Variants in POLH observed in about 807,000 individuals in gnomAD.
POLH encodes DNA polymerase eta transcript.
Under a neutral mutation model 73.6 loss-of-function variants are expected in POLH, and 53 were observed. The ratio of observed to expected loss-of-function variants is 0.72; its 90% CI spans 0.58 to 0.91. The LOEUF is 0.91. POLH is among the 40% of genes least tolerant of loss of function. POLH has a pLI of 0.00. For missense variants in POLH, 768 were observed against 865.4 expected, an observed-to-expected ratio of 0.89 and a Z score of 1.41; for synonymous variants, 292 against 308.5, an observed-to-expected ratio of 0.95 and a Z score of 0.56.
At chr6:43,613,529 A>C in intron 10 of POLH, 131 bp from the exon 11 acceptor site, 1 of 762,592 alleles carries the variant, frequency 1.3e-6, no homozygotes, top group Non-Finnish European at 2.2e-6. Flanking sequence ...GCAGAACCAG[A>C]ATGCTAGTCA....
rs55760315 is a variant in POLH, at chr6:43,618,961, T to TGGG, written c.*4412_*4414dup. 6.6e-4 allele frequency among the ~76,000 whole-genome samples: 92 copies of TGGG among 139,178 alleles called. No homozygotes were observed. Among genetic ancestry groups the TGGG allele is most frequent in the African/African-American group, 2.2e-3 (84 of 37,478 alleles). The allele number at this position is 139,178 out of a possible 152,430, so 91.3% of individuals were successfully genotyped here. A position where few individuals can be genotyped will look rare whatever the true frequency, so the allele number is the denominator to read the frequency against. ...TCTACTTTTTATTTTATTTATAAAT[T>TGGG]GGGGGGGGGGTTCTATATTTAGTTT... On this transcript the variant is annotated 3_prime_UTR_variant, in exon 11 of 11. Coordinates refer to ENST00000372236, the MANE Select transcript of POLH (RefSeq NM_006502.3).
chr6:43,609,724 A>G (rs560126292), intron 9 of POLH, among the ~76,000 whole-genome samples: 1 of 152,304 alleles, frequency 6.6e-6, no homozygotes, highest in Admixed American at 6.5e-5. Flanking sequence ...AGAAAAAAAG[A>G]TATGACTTGA....
rs1766243298 is a variant in POLH, at chr6:43,597,690, T to C, written c.491-6T>C. 1 of 1,612,168 alleles carries C rather than the reference T, an allele frequency of 6.2e-7. No individual in the cohort carries two copies. Among genetic ancestry groups the C allele is most frequent in the Non-Finnish European group, 8.5e-7 (1 of 1,178,360 alleles). The stretch of plus-strand genomic sequence containing the variant: ...TGTCTAAATGTGAGTTCTTAATTCA[T>C]TTCAGAGGGGATGCGAAAACAAGGC... On this transcript the variant is annotated splice_polypyrimidine_tract_variant and splice_region_variant and intron_variant, in intron 4 of 10. Coordinates refer to ENST00000372236, the MANE Select transcript of POLH (RefSeq NM_006502.3).
At chr6:43,598,982 A>ATTTTTTT (rs938691033) in intron 5 of POLH, among the ~76,000 whole-genome samples, 20 of 108,114 alleles carry the variant, frequency 1.8e-4, no homozygotes, top group East Asian at 2.6e-4. Context: ...CACTTGCTGA[A>ATTTTTTT]TTTTTTTTTT....
chr6:43,613,605 CA>C, intron 10 of POLH, 54 bp from the exon 11 acceptor site: 1 of 1,357,840 alleles, frequency 7.4e-7, no homozygotes. Context: ...AGCAATAGGT[CA>C]CTATTTTAAT....
Position 43,604,723 on chromosome 6 carries a change from T to G in POLH, c.993T>G (p.Leu331=). Residue 331 remains leucine, a synonymous_variant, in exon 8 of 11, where the codon CTT becomes CTG. Transcript: ENST00000372236. Reference sequence around the variant, plus strand: ...AGAACTTCCCAGGAAAAACAGCTCTTGCTACTCGGGAACAGGTAAGCTGGC... The same window carrying G: ...AGAACTTCCCAGGAAAAACAGCTCTGGCTACTCGGGAACAGGTAAGCTGGC... ...CSKNFPGKTA[L]ATREQVQWWL... 6.2e-7 allele frequency: 1 copy of G among 1,614,098 alleles called. No individual in the cohort carries two copies. Among genetic ancestry groups the G allele is most frequent in the Non-Finnish European group, 8.5e-7 (1 of 1,180,004 alleles).
chr6:43,582,745 C>CT (rs1561897338), intron 2 of POLH, among the ~76,000 whole-genome samples: 2 of 152,170 alleles, frequency 1.3e-5, no homozygotes, highest in African/African-American at 4.8e-5. Context: ...GCAGGGCTCA[C>CT]TATATTGCCC....
chr6:43,610,546 A>G lies in POLH; in HGVS notation c.1075-8A>G. On this transcript the variant is annotated splice_polypyrimidine_tract_variant and splice_region_variant and intron_variant, in intron 9 of 10. Transcript: ENST00000372236. ...TTTATTTCTGGTCTCCATCCTTTCC[A>G]CCCACAGAATGACAGGGTAGCCACC... The G allele has an allele frequency of 1.2e-6, 2 of 1,613,088 alleles. No individual in the cohort carries two copies. Among genetic ancestry groups the G allele is most frequent in the Non-Finnish European group, 1.7e-6 (2 of 1,179,284 alleles).
intron 9 of POLH, among the ~76,000 whole-genome samples, chr6:43,610,347 G>A (rs1004850637): frequency 2.6e-5 from 4 of 152,068 alleles, no homozygotes; most frequent in Non-Finnish European, 4.4e-5. Flanking sequence ...TTACAGGCGT[G>A]AGCCACCATG....
intron 1 of POLH, among the ~76,000 whole-genome samples, chr6:43,580,663 G>A (rs1245637094): frequency 2.2e-5 from 3 of 139,534 alleles, no homozygotes; most frequent in African/African-American, 5.7e-5. Context: ...GCCGGGCAGG[G>A]GGGCTGACCC....
rs1340922739 is a variant in POLH at position 43,605,265 on chromosome 6, G to C, written c.1020G>C (p.Trp340Cys). 6.3e-7 allele frequency: 1 copy of C among 1,579,246 alleles called. No homozygotes were observed. Among genetic ancestry groups the C allele is most frequent in the Non-Finnish European group, 8.7e-7 (1 of 1,148,582 alleles). The change falls in exon 9 of 11, where the codon TGG becomes TGC. Residue 340 changes from tryptophan to cysteine, a missense_variant. Coordinates refer to ENST00000372236, the MANE Select transcript of POLH (RefSeq NM_006502.3). ...ALATREQVQW[W>C]LLQLAQELEE... is the part of the protein sequence containing the mutation. ...CAATACTTTTTTAGGTACAATGGTG[G>C]CTGTTGCAATTAGCCCAGGAACTAG...
chr6:43,579,672 A>C (rs541479657), intron 1 of POLH, among the ~76,000 whole-genome samples: 68 of 152,228 alleles, frequency 4.5e-4, no homozygotes, highest in African/African-American at 1.6e-3. Context: ...AGGTAAAACA[A>C]CCTGTGGCTT....
rs767744534 is a variant in POLH at position 43,614,137 on chromosome 6, T to C, written c.1722T>C (p.Cys574=). The part of the protein sequence containing the change: ...PNSLPTEYPG[C]VPVCEGVSKL... Reference sequence around the variant, plus strand: ...CTTTACCAACAGAGTATCCAGGGTGTGTCCCTGTTTGTGAAGGGGTGTCGA... The same window carrying C: ...CTTTACCAACAGAGTATCCAGGGTGCGTCCCTGTTTGTGAAGGGGTGTCGA... Residue 574 remains cysteine, a synonymous_variant, in exon 11 of 11, where the codon TGT becomes TGC. Transcript: ENST00000372236. 11 of 1,614,224 alleles carry C rather than the reference T, an allele frequency of 6.8e-6. No homozygotes were observed. In the South Asian group the frequency reaches 9.9e-5, roughly 14 times the overall value.
At chr6:43,591,115 T>A (rs1303199928) in intron 4 of POLH, 1 of 152,134 alleles carries the variant, frequency 6.6e-6, no homozygotes, top group African/African-American at 2.4e-5. Flanking sequence ...AGCTAGAGGC[T>A]GCAGATCCTT....
At chr6:43,581,097 C>G (rs1290084741) in intron 1 of POLH, among the ~76,000 whole-genome samples, 4 of 120,332 alleles carry the variant, frequency 3.3e-5, no homozygotes, top group African/African-American at 1.2e-4. Flanking sequence ...ACTTCTCAGA[C>G]GGGGCAGCTG....
chr6:43,578,797 T>C (rs1391643959), intron 1 of POLH, among the ~76,000 whole-genome samples: 1 of 152,228 alleles, frequency 6.6e-6, no homozygotes, highest in African/African-American at 2.4e-5. Flanking sequence ...CCTTCTCTTT[T>C]CTCTGAATTT....
intron 5 of POLH, among the ~76,000 whole-genome samples, chr6:43,599,352 C>G (rs1582300615): frequency 6.6e-6 from 1 of 152,088 alleles, no homozygotes; most frequent in African/African-American, 2.4e-5. Context: ...ATGCTTTTGC[C>G]TATTCCCTGT....
intron 4 of POLH, among the ~76,000 whole-genome samples, chr6:43,596,231 C>G (rs1766036447): frequency 6.6e-6 from 1 of 152,150 alleles, no homozygotes; most frequent in Non-Finnish European, 1.5e-5. Context: ...GGCCTGTAAT[C>G]CCAGCACTTT....
chr6:43,599,246 C>T (rs1043247570), intron 5 of POLH, among the ~76,000 whole-genome samples: 28 of 151,986 alleles, frequency 1.8e-4, no homozygotes, highest in Middle Eastern at 6.3e-3. Flanking sequence ...ACCTCGGCCT[C>T]CCAAAGTGCT....
Sources: gnomAD v4.1 joint callset for allele counts (sites outside exome capture counted in the v4.1 genomes callset) on GRCh38, gnomAD v4.1.1 for gene constraint, MANE v1.5 for transcripts, NCBI Gene and HGNC (gene_info 2026-07-23, HGNC 2026-07-21) for gene names.